The following AP2B1 variants were observed in gnomAD, a reference collection of about 807,000 sequenced individuals.
AP2B1 encodes adaptor related protein complex 2 subunit beta 1, also known as AP-2 complex subunit beta.
In AP2B1, 23 loss-of-function variants were observed where a neutral mutation model predicts 102.0. The ratio of observed to expected loss-of-function variants is 0.23; its 90% CI spans 0.16 to 0.32. The LOEUF (loss-of-function observed/expected upper bound fraction) is 0.32, where lower values mean the gene tolerates loss of function less well. AP2B1 is among the 10% of genes least tolerant of loss of function. The probability of loss-of-function intolerance (pLI) is 1.00; values close to 1 mark genes in which losing one functional copy is unlikely to be tolerated. For synonymous variants in AP2B1, 381 were observed against 421.2 expected (o/e 0.90, Z 1.17); for missense variants, 541 against 1,157.4 (o/e 0.47, Z 7.73).
chr17:35,596,425 G>A (rs1211835731), intron 2 of AP2B1, among the ~76,000 whole-genome samples: 1 of 151,614 alleles, frequency 6.6e-6, no homozygotes, highest in East Asian at 1.9e-4. Flanking sequence ...ATATTGAAAC[G>A]AAAAAGTGCT....
At chr17:35,678,959 GTTGTTTGT>G (rs71366473) in intron 17 of AP2B1, among the ~76,000 whole-genome samples, 13 of 151,182 alleles carry the variant, frequency 8.6e-5, no homozygotes, top group South Asian at 4.2e-4. Context: ...AGCTAGCATT[GTTGTTTGT>G]TTGTTTGTTT....
intron 5 of AP2B1, among the ~76,000 whole-genome samples, chr17:35,623,502 T>G (rs1288152293): frequency 6.6e-6 from 1 of 152,192 alleles, no homozygotes. Flanking sequence ...AGATGAAGGT[T>G]ACAGTGAGCC....
chr17:35,619,552 T>C (rs1276978365), intron 5 of AP2B1, among the ~76,000 whole-genome samples: 1 of 152,156 alleles, frequency 6.6e-6, no homozygotes, highest in East Asian at 1.9e-4. Flanking sequence ...GAGAAGTCTG[T>C]AATTAAGGCG....
chr17:35,697,243 T>C (rs1450932500), intron 18 of AP2B1, among the ~76,000 whole-genome samples: 2 of 152,202 alleles, frequency 1.3e-5, no homozygotes, highest in Non-Finnish European at 2.9e-5. Flanking sequence ...TTCCTTGATA[T>C]TAGGAAAGGC....
intron 1 of AP2B1, 70 bp from the exon 2 acceptor site, chr17:35,593,938 C>T: frequency 3.9e-6 from 3 of 778,418 alleles, no homozygotes; most frequent in Non-Finnish European, 5.8e-6. Flanking sequence ...ATTGGATGTT[C>T]TTAAAATTAA....
At chr17:35,635,037 C>G (rs964114510) in intron 9 of AP2B1, among the ~76,000 whole-genome samples, 6 of 150,708 alleles carry the variant, frequency 4.0e-5, no homozygotes, top group Middle Eastern at 6.8e-3. Flanking sequence ...CTCTGCCATA[C>G]TGCTGTAATG....
chr17:35,611,464 C>CGTGTGTGT (rs150048485), intron 5 of AP2B1, among the ~76,000 whole-genome samples: 3 of 151,052 alleles, frequency 2.0e-5, no homozygotes, highest in Admixed American at 6.6e-5. Flanking sequence ...GCAGTAAAGT[C>CGTGTGTGT]GTGTGTGTGT....
chr17:35,595,871 G>C (rs976556531), intron 2 of AP2B1, among the ~76,000 whole-genome samples: 3 of 151,772 alleles, frequency 2.0e-5, no homozygotes, highest in African/African-American at 7.3e-5. Flanking sequence ...TGTGTGCTTT[G>C]ACGAACAAAA....
chr17:35,632,818 G>A (rs225263), intron 9 of AP2B1, among the ~76,000 whole-genome samples: 3,892 of 151,818 alleles, frequency 0.026, 57 homozygotes, highest in Non-Finnish European at 0.042. Flanking sequence ...TACTAAATAT[G>A]AGCTTTATAT....
At chr17:35,688,370 C>T (rs761400791) in intron 18 of AP2B1, among the ~76,000 whole-genome samples, 3 of 152,116 alleles carry the variant, frequency 2.0e-5, no homozygotes, top group Admixed American at 6.6e-5. Flanking sequence ...TGCTTTAGCC[C>T]TGTTTTTTTC....
intron 5 of AP2B1, 96 bp from the exon 6 acceptor site, chr17:35,624,301 T>G: frequency 6.2e-5 from 69 of 1,110,456 alleles, no homozygotes; most frequent in Middle Eastern, 2.8e-4. Flanking sequence ...GGTTATGAAT[T>G]GAGATCCGTG....
intron 5 of AP2B1, among the ~76,000 whole-genome samples, chr17:35,616,255 C>T (rs1312733598): frequency 1.4e-5 from 2 of 139,154 alleles, no homozygotes; most frequent in Non-Finnish European, 3.0e-5. Flanking sequence ...AGCTCCGCCT[C>T]CCGGGTTCAT....
At chr17:35,606,994 C>T (rs2073700186) in intron 4 of AP2B1, among the ~76,000 whole-genome samples, 2 of 152,056 alleles carry the variant, frequency 1.3e-5, no homozygotes, top group African/African-American at 2.4e-5. Flanking sequence ...CAACCTCCGC[C>T]TCCCGGGCTC....
At chr17:35,640,791 A>G (rs1598143178) in intron 11 of AP2B1, among the ~76,000 whole-genome samples, 1 of 152,168 alleles carries the variant, frequency 6.6e-6, no homozygotes, top group Admixed American at 6.5e-5. Context: ...AGTTACCACT[A>G]CTTTTTTATT....
At chr17:35,629,540 C>T (rs377759317) in intron 9 of AP2B1, among the ~76,000 whole-genome samples, 17 of 152,054 alleles carry the variant, frequency 1.1e-4, no homozygotes, top group African/African-American at 3.9e-4. Context: ...ATGAATGATT[C>T]GTTTTTTTGT....
intron 18 of AP2B1, among the ~76,000 whole-genome samples, chr17:35,694,302 G>A (rs933764475): frequency 4.0e-5 from 6 of 151,570 alleles, no homozygotes; most frequent in Admixed American, 3.3e-4. Context: ...GGAGTTCAGG[G>A]GCACAAACAT....
intron 13 of AP2B1, 86 bp from the exon 14 acceptor site, chr17:35,657,513 C>T: frequency 9.5e-7 from 1 of 1,047,778 alleles, no homozygotes; most frequent in Non-Finnish European, 1.4e-6. Flanking sequence ...TTATATATAG[C>T]TATATGTTTC....
intron 5 of AP2B1, among the ~76,000 whole-genome samples, chr17:35,613,283 C>A (rs2073920656): frequency 6.6e-6 from 1 of 150,696 alleles, no homozygotes. Context: ...ACTTTGAAAT[C>A]TTCTAATATG....
At position 35,726,363 on chromosome 17, in the gene AP2B1, G is replaced by A. The variant is rs1284971135; in HGVS notation, c.*2664G>A. On this transcript the variant is annotated 3_prime_UTR_variant, in exon 22 of 22. Transcript: ENST00000610402. Reference sequence around the variant, plus strand: ...CCTGTTTTTCGGGAGGGTGGGGGTTGGGGGAAGCTTGACCTTGTGTCTTCG... The same window carrying A: ...CCTGTTTTTCGGGAGGGTGGGGGTTAGGGGAAGCTTGACCTTGTGTCTTCG... 2 of 151,826 alleles carry A rather than the reference G, an allele frequency of 1.3e-5. No individual in the cohort carries two copies. Among genetic ancestry groups the A allele is most frequent in the African/African-American group, 2.4e-5 (1 of 41,296 alleles). The allele number at this position is 151,826 out of a possible 1,614,324, so 9.4% of individuals were successfully genotyped here. A position where few individuals can be genotyped will look rare whatever the true frequency, so the allele number is the denominator to read the frequency against.
Sources: gnomAD v4.1 joint callset for allele counts (sites outside exome capture counted in the v4.1 genomes callset) on GRCh38, gnomAD v4.1.1 for gene constraint, MANE v1.5 for transcripts, NCBI Gene and HGNC (gene_info 2026-07-23, HGNC 2026-07-21) for gene names.